CNTN5: variants seen among roughly 807,000 people sequenced by gnomAD.
CNTN5 encodes contactin 5, also known as contactin-5.
A neutral mutation model predicts 129.1 loss-of-function variants in CNTN5; 77 were observed. The ratio of observed to expected loss-of-function variants is 0.60; its 90% CI spans 0.50 to 0.72. CNTN5 has a LOEUF of 0.72. CNTN5 is among the 30% of genes least tolerant of loss of function. CNTN5 has a pLI of 0.00. For missense variants in CNTN5, 1,478 were observed against 1,328.8 expected (o/e 1.11, Z -1.75); for synonymous variants, 509 against 465.6 (o/e 1.09, Z -1.20).
At chr11:99,572,842 G>A (rs1949219200) in intron 3 of CNTN5, among the ~76,000 whole-genome samples, 1 of 151,956 alleles carries the variant, frequency 6.6e-6, no homozygotes, top group South Asian at 2.1e-4. Flanking sequence ...GAATATATTG[G>A]CGGTTAGAAA....
At chr11:99,240,643 CTTTTTAGAAGT>C (rs982221149) in intron 1 of CNTN5, among the ~76,000 whole-genome samples, 5 of 152,022 alleles carry the variant, frequency 3.3e-5, no homozygotes, top group African/African-American at 1.2e-4. Context: ...ATCCCTAAAC[CTTTTTAGAAGT>C]TTTTATCATT....
At chr11:99,740,324 G>A (rs10466616) in intron 3 of CNTN5, among the ~76,000 whole-genome samples, 28,077 of 151,996 alleles carry the variant, frequency 0.18, 2,679 homozygotes, top group Non-Finnish European at 0.2. Context: ...CAGAGTAGTT[G>A]CATGGAACAA....
At chr11:99,574,213 T>C (rs1355819443) in intron 3 of CNTN5, among the ~76,000 whole-genome samples, 2 of 152,180 alleles carry the variant, frequency 1.3e-5, no homozygotes, top group Non-Finnish European at 2.9e-5. Flanking sequence ...GCTTCATCCA[T>C]GTCCCTGCAA....
intron 9 of CNTN5, among the ~76,000 whole-genome samples, chr11:100,013,776 A>G (rs769421890): frequency 6.6e-6 from 1 of 152,194 alleles, no homozygotes; most frequent in Non-Finnish European, 1.5e-5. Flanking sequence ...TTTAACAACT[A>G]TATTGCTACT....
intron 3 of CNTN5, among the ~76,000 whole-genome samples, chr11:99,693,342 G>C (rs1954120488): frequency 6.6e-6 from 1 of 151,932 alleles, no homozygotes; most frequent in Non-Finnish European, 1.5e-5. Context: ...TTTCTGTATG[G>C]AGCTTAGAGT....
At chr11:99,646,961 C>T (rs1951987681) in intron 3 of CNTN5, among the ~76,000 whole-genome samples, 1 of 151,896 alleles carries the variant, frequency 6.6e-6, no homozygotes, top group Admixed American at 6.6e-5. Context: ...AATAGTTTGC[C>T]CATATTTTTT....
chr11:99,722,222 G>A (rs1366539398), intron 3 of CNTN5, among the ~76,000 whole-genome samples: 1 of 152,122 alleles, frequency 6.6e-6, no homozygotes, highest in Non-Finnish European at 1.5e-5. Flanking sequence ...CAAAGATGTG[G>A]AATCAACCTA....
At position 99,453,022 on chromosome 11, in the gene CNTN5, C is replaced by T. The variant is rs185521219; in HGVS notation, c.-70-103123C>T. On this transcript the variant is annotated intron_variant, in intron 2 of 24. Coordinates refer to ENST00000524871, the MANE Select transcript of CNTN5 (RefSeq NM_014361.4). ...AAGTGGCAGCACCTGGGTTCAAAAC[C>T]GGTGTGCTGTGCTGTTAGTCACTTT... Among the ~76,000 whole-genome samples, 238 of 152,204 alleles carry T rather than the reference C, an allele frequency of 1.6e-3. 1 individual carries two copies. Among genetic ancestry groups the T allele is most frequent in the African/African-American group, 4.9e-3 (202 of 41,520 alleles).
intron 3 of CNTN5, among the ~76,000 whole-genome samples, chr11:99,631,593 TTGCTAAGCAG>T (rs2135803603): frequency 6.6e-6 from 1 of 152,098 alleles, no homozygotes; most frequent in East Asian, 1.9e-4. Flanking sequence ...AAATGTTACA[TTGCTAAGCAG>T]TAGTAAGTTT....
chr11:99,930,718 ATTG>A (rs1438184394), intron 7 of CNTN5, among the ~76,000 whole-genome samples: 2 of 152,140 alleles, frequency 1.3e-5, no homozygotes, highest in Non-Finnish European at 2.9e-5. Context: ...ACTTAACTAA[ATTG>A]TTGTCTGAAT....
intron 4 of CNTN5, among the ~76,000 whole-genome samples, chr11:99,828,774 T>C (rs1947047680): frequency 6.6e-6 from 1 of 152,176 alleles, no homozygotes; most frequent in African/African-American, 2.4e-5. Flanking sequence ...AAATCATGTA[T>C]CTTTATCTTC....
intron 2 of CNTN5, among the ~76,000 whole-genome samples, chr11:99,444,145 G>A (rs1943958051): frequency 6.6e-6 from 1 of 152,052 alleles, no homozygotes; most frequent in South Asian, 2.1e-4. Flanking sequence ...GTTGCAGTGA[G>A]CCGAGATCGC....
At chr11:99,901,354 G>T (rs1032427986) in intron 6 of CNTN5, among the ~76,000 whole-genome samples, 1 of 151,892 alleles carries the variant, frequency 6.6e-6, no homozygotes, top group African/African-American at 2.4e-5. Context: ...GCAGCGGCAC[G>T]ATCTTGGCTC....
chr11:99,560,268 G>GTATTATTAT lies in CNTN5; in HGVS notation c.55+4031_55+4039dup, dbSNP rs35741733. Among the ~76,000 whole-genome samples the GTATTATTAT allele has an allele frequency of 2.3e-3, 327 of 141,968 alleles. 2 individuals are homozygous for GTATTATTAT. Among genetic ancestry groups the GTATTATTAT allele is most frequent in the East Asian group, 6.0e-3 (29 of 4,858 alleles). 93.1% of individuals were successfully genotyped at this position (141,968 alleles called of 152,430 possible). On this transcript the variant is annotated intron_variant, in intron 3 of 24. Coordinates refer to ENST00000524871, the MANE Select transcript of CNTN5 (RefSeq NM_014361.4). ...GCAGAATATGACAAAGAATCTAACT[G>GTATTATTAT]TATTATTATTATTATTATTATTATT... is the stretch of plus-strand genomic sequence containing the variant.
chr11:100,009,964 G>C (rs1940426980), intron 9 of CNTN5, among the ~76,000 whole-genome samples: 2 of 152,060 alleles, frequency 1.3e-5, no homozygotes, highest in South Asian at 4.1e-4. Context: ...GAAATGATGA[G>C]TGTTGACTTT....
intron 3 of CNTN5, among the ~76,000 whole-genome samples, chr11:99,788,803 T>C (rs1945630677): frequency 6.6e-6 from 1 of 151,948 alleles, no homozygotes; most frequent in Admixed American, 6.6e-5. Flanking sequence ...GTATCGTGTG[T>C]ATATTTTCAT....
At chr11:99,677,991 T>G (rs186997481) in intron 3 of CNTN5, among the ~76,000 whole-genome samples, 79 of 152,286 alleles carry the variant, frequency 5.2e-4, no homozygotes, top group Non-Finnish European at 9.6e-4. Context: ...ATTATGCTTC[T>G]ACTGAAGCAC....
intron 3 of CNTN5, among the ~76,000 whole-genome samples, chr11:99,727,434 T>A (rs1943388619): frequency 6.6e-6 from 1 of 151,784 alleles, no homozygotes; most frequent in Non-Finnish European, 1.5e-5. Context: ...TTGTTTCTGA[T>A]ATGACAAGAT....
chr11:99,740,708 A>G (rs1441094524), intron 3 of CNTN5, among the ~76,000 whole-genome samples: 1 of 152,180 alleles, frequency 6.6e-6, no homozygotes, highest in East Asian at 1.9e-4. Flanking sequence ...AGGTTGCAGC[A>G]ACTCATTCAG....
Sources: gnomAD v4.1 joint callset for allele counts (sites outside exome capture counted in the v4.1 genomes callset) on GRCh38, gnomAD v4.1.1 for gene constraint, MANE v1.5 for transcripts, NCBI Gene and HGNC (gene_info 2026-07-23, HGNC 2026-07-21) for gene names.